Variants in PTPRD observed in about 807,000 individuals in gnomAD.
The protein encoded by PTPRD is protein tyrosine phosphatase receptor type D.
PTPRD carries 34 observed loss-of-function variants against 214.5 expected under a neutral mutation model. The ratio of observed to expected loss-of-function variants is 0.16; its 90% confidence interval spans 0.12 to 0.21. The LOEUF is 0.21. Among genes scored for constraint, PTPRD ranks in the 10% least tolerant of loss-of-function variants. The pLI is 1.00. For missense variants in PTPRD, 2,545 were observed against 2,398.7 expected (o/e 1.06, Z -1.27); for synonymous variants, 1,128 against 845.7 (o/e 1.33, Z -5.79).
intron 3 of PTPRD, among the ~76,000 whole-genome samples, chr9:10,213,246 G>C (rs1458943052): frequency 2.0e-5 from 3 of 152,070 alleles, no homozygotes; most frequent in African/African-American, 7.2e-5. Flanking sequence ...AGATGGCAGA[G>C]TAAGCAAGTC....
intron 7 of PTPRD, among the ~76,000 whole-genome samples, chr9:9,689,398 C>T (rs2097222623): frequency 6.6e-6 from 1 of 151,676 alleles, no homozygotes; most frequent in South Asian, 2.1e-4. Flanking sequence ...ATAAGAGATG[C>T]ACATGTTTCA....
At chr9:10,332,189 C>G (rs1264073470) in intron 3 of PTPRD, among the ~76,000 whole-genome samples, 1 of 151,844 alleles carries the variant, frequency 6.6e-6, no homozygotes, top group Non-Finnish European at 1.5e-5. Flanking sequence ...TTCTAATCAT[C>G]CAGAATGTCT....
intron 5 of PTPRD, among the ~76,000 whole-genome samples, chr9:9,852,695 A>G (rs2060773670): frequency 6.6e-6 from 1 of 152,136 alleles, no homozygotes; most frequent in South Asian, 2.1e-4. Context: ...AGTAACAATT[A>G]CCAAATTTTA....
intron 5 of PTPRD, among the ~76,000 whole-genome samples, chr9:9,936,303 G>T (rs2089377858): frequency 6.6e-6 from 1 of 151,522 alleles, no homozygotes; most frequent in African/African-American, 2.4e-5. Context: ...CCTAAAAAAT[G>T]GGAGAAAATT....
chr9:9,768,869 A>C (rs2098728079), intron 5 of PTPRD, among the ~76,000 whole-genome samples: 1 of 152,196 alleles, frequency 6.6e-6, no homozygotes, highest in Non-Finnish European at 1.5e-5. Context: ...GTTGAGCTTA[A>C]AGAGTAAACA....
At chr9:8,561,773 G>A (rs908763720) in intron 14 of PTPRD, among the ~76,000 whole-genome samples, 13 of 149,304 alleles carry the variant, frequency 8.7e-5, no homozygotes, top group Non-Finnish European at 1.6e-4. Flanking sequence ...TTTCCATTCA[G>A]GAGCAGTGTT....
chr9:8,659,879 T>C (rs902346945), intron 12 of PTPRD, among the ~76,000 whole-genome samples: 2 of 152,198 alleles, frequency 1.3e-5, no homozygotes, highest in African/African-American at 4.8e-5. Flanking sequence ...AGAAAGAATA[T>C]TATCATGGCA....
chr9:9,362,675 G>A (rs1596380889), intron 9 of PTPRD, among the ~76,000 whole-genome samples: 1 of 151,266 alleles, frequency 6.6e-6, no homozygotes, highest in African/African-American at 2.4e-5. Context: ...GCCAATACGT[G>A]CTCACAGCCT....
intron 9 of PTPRD, among the ~76,000 whole-genome samples, chr9:9,205,510 A>G (rs1045223641): frequency 2.0e-5 from 3 of 152,200 alleles, no homozygotes; most frequent in Admixed American, 6.5e-5. Context: ...AAGTATGCCA[A>G]AATTCAAAAC....
At chr9:9,231,968 T>A (rs2099963396) in intron 9 of PTPRD, among the ~76,000 whole-genome samples, 1 of 152,168 alleles carries the variant, frequency 6.6e-6, no homozygotes. Context: ...TAGAATACAA[T>A]GGGACTGTCC....
At chr9:10,144,790 G>GTTATAAT (rs2099011030) in intron 3 of PTPRD, among the ~76,000 whole-genome samples, 1 of 151,904 alleles carries the variant, frequency 6.6e-6, no homozygotes. Flanking sequence ...TCTCTCTAAT[G>GTTATAAT]GATTATAATG....
intron 7 of PTPRD, among the ~76,000 whole-genome samples, chr9:9,694,758 G>A (rs959069406): frequency 6.6e-6 from 1 of 152,054 alleles, no homozygotes; most frequent in Non-Finnish European, 1.5e-5. Context: ...CACCACCACT[G>A]GTTCATCTGC....
chr9:9,561,089 C>G (rs199844569), intron 8 of PTPRD, among the ~76,000 whole-genome samples: 13 of 152,126 alleles, frequency 8.5e-5, no homozygotes, highest in Admixed American at 3.3e-4. Context: ...GGCAGTTATA[C>G]GTTTCACAGA....
chr9:9,304,808 C>T (rs1956596827), intron 9 of PTPRD, among the ~76,000 whole-genome samples: 1 of 151,168 alleles, frequency 6.6e-6, no homozygotes, highest in African/African-American at 2.4e-5. Flanking sequence ...ATTGTTCATT[C>T]ACAGGTTTCT....
rs188760908 is a variant in PTPRD at position 8,740,342 on chromosome 9, C to T, written c.-103-6396G>A. Among the ~76,000 whole-genome samples, 366 of 152,280 alleles carry T rather than the reference C, an allele frequency of 2.4e-3. 1 individual carries two copies. Among genetic ancestry groups the T allele is most frequent in the African/African-American group, 7.7e-3 (322 of 41,560 alleles). On this transcript the variant is annotated intron_variant, in intron 11 of 45. Transcript: ENST00000381196. The stretch of plus-strand genomic sequence containing the variant: ...CACTACTTCTGGCAGCAAAGAACTG[C>T]CACATTCTATAGACATAAAGGACAA...
chr9:8,498,519 G>A (rs1034032919), intron 25 of PTPRD, among the ~76,000 whole-genome samples: 14 of 152,144 alleles, frequency 9.2e-5, no homozygotes, highest in Non-Finnish European at 1.5e-4. Context: ...CAGGGGATCC[G>A]TCCGCCTTTA....
At chr9:8,913,731 G>C (rs1566968667) in intron 11 of PTPRD, among the ~76,000 whole-genome samples, 2 of 152,086 alleles carry the variant, frequency 1.3e-5, no homozygotes. Context: ...ACTAGAAAGA[G>C]TGAAGAAATT....
At chr9:8,714,076 C>G (rs533415939) in intron 12 of PTPRD, among the ~76,000 whole-genome samples, 1 of 152,186 alleles carries the variant, frequency 6.6e-6, no homozygotes, top group South Asian at 2.1e-4. Context: ...TAATGAATAA[C>G]GGCCCTAATT....
At chr9:8,728,843 G>A (rs2154430419) in intron 12 of PTPRD, among the ~76,000 whole-genome samples, 1 of 152,196 alleles carries the variant, frequency 6.6e-6, no homozygotes, top group South Asian at 2.1e-4. Flanking sequence ...AGCCGGGCAT[G>A]GTGGCAGGGG....
Sources: gnomAD v4.1 joint callset for allele counts (sites outside exome capture counted in the v4.1 genomes callset) on GRCh38, gnomAD v4.1.1 for gene constraint, MANE v1.5 for transcripts, NCBI Gene and HGNC (gene_info 2026-07-23, HGNC 2026-07-21) for gene names.